TMEM144: variants seen among roughly 807,000 people sequenced by gnomAD.
TMEM144 encodes transmembrane protein 144.
TMEM144 carries 39 observed loss-of-function variants against 43.6 expected under a neutral mutation model. The ratio of observed to expected loss-of-function variants is 0.90; its 90% CI spans 0.69 to 1.17. The LOEUF (loss-of-function observed/expected upper bound fraction) is 1.17. Ranked by LOEUF, TMEM144 falls within the 50% of genes most tolerant of loss-of-function variation. The pLI is 0.00. For missense variants in TMEM144, 417 were observed against 411.9 expected, an observed-to-expected ratio of 1.01 and a Z score of -0.11; for synonymous variants, 154 against 133.6, an observed-to-expected ratio of 1.15 and a Z score of -1.06.
chr4:158,253,073 C>T (rs905476228), intron 12 of TMEM144, among the ~76,000 whole-genome samples: 8 of 152,318 alleles, frequency 5.3e-5, no homozygotes, highest in African/African-American at 1.7e-4. Context: ...CCACTTCCCA[C>T]CCTCCAAACC....
intron 3 of TMEM144, among the ~76,000 whole-genome samples, 189 bp from the exon 4 acceptor site, chr4:158,215,002 A>G (rs970981725): frequency 1.3e-5 from 2 of 152,150 alleles, no homozygotes; most frequent in African/African-American, 4.8e-5. Context: ...TTGAAGATTC[A>G]TTTTCTCTAT....
Position 158,253,828 on chromosome 4 carries a change from G to GTAC in TMEM144, c.*302_*304dup. The GTAC allele has an allele frequency of 3.0e-6, 1 of 334,332 alleles. No individual in the cohort carries two copies. The highest frequency in any genetic ancestry group is 5.6e-6 in the Non-Finnish European group (1 of 177,384). The allele number at this position is 334,332 out of a possible 1,614,324, so 20.7% of individuals were successfully genotyped here. On this transcript the variant is annotated 3_prime_UTR_variant, in exon 13 of 13. Coordinates refer to ENST00000296529, the MANE Select transcript of TMEM144 (RefSeq NM_018342.5). ...GAGGATGCTCTTTTTACCACAGTATGTACCTAGTGTTGCATAATCTAGAAC... is the reference window on the plus strand; with the variant it reads ...GAGGATGCTCTTTTTACCACAGTATGTACTACCTAGTGTTGCATAATCTAGAAC...
intron 6 of TMEM144, among the ~76,000 whole-genome samples, chr4:158,222,120 C>T (rs1453000802): frequency 1.5e-5 from 2 of 129,862 alleles, no homozygotes; most frequent in Non-Finnish European, 3.2e-5. Context: ...CTCTGCTTTC[C>T]CTCGTCCCAT....
In TMEM144 at chr4:158,253,526, A is replaced by C. The variant is rs1279245957; in HGVS notation, c.1037A>C (p.Ter346SerextTer2). 3 of 1,612,856 alleles carry C rather than the reference A, an allele frequency of 1.9e-6. No individual in the cohort carries two copies. The highest frequency in any genetic ancestry group is 2.5e-6 in the Non-Finnish European group (3 of 1,179,228). ...TTATGCACTGCTTTTTCTAAAATCT[A>C]ACAATGACAAAACCAGCAGGTGGCA... ...GALCTAFSKI[*>S] The change falls in exon 13 of 13, where the codon TAA becomes TCA. Residue 346 changes from the stop codon to serine (S), a stop_lost. Coordinates refer to ENST00000296529, the MANE Select transcript of TMEM144 (RefSeq NM_018342.5).
chr4:158,237,397 T>C, intron 8 of TMEM144, 128 bp from the exon 9 acceptor site: 1 of 708,824 alleles, frequency 1.4e-6, no homozygotes, highest in African/African-American at 1.8e-5. Context: ...GTCACAGAGC[T>C]TGAGATAAAT....
rs190656754 is a variant in TMEM144, at chr4:158,216,725, C to A, written c.233-596C>A. ...CAGAAGGAATGATGAAAAATAGTAGCCAGAGAAAGAGCTAAAGAGAAAAAC... is the reference window on the plus strand; with the variant it reads ...CAGAAGGAATGATGAAAAATAGTAGACAGAGAAAGAGCTAAAGAGAAAAAC... On this transcript the variant is annotated intron_variant, in intron 4 of 12. Coordinates refer to ENST00000296529, the MANE Select transcript of TMEM144 (RefSeq NM_018342.5). Among the ~76,000 whole-genome samples, 116 of 151,712 alleles carry A rather than the reference C, an allele frequency of 7.6e-4. 2 individuals are homozygous for A. Among genetic ancestry groups the A allele is most frequent in the African/African-American group, 2.3e-3 (95 of 41,306 alleles).
At chr4:158,230,256 G>C (rs1199897743) in intron 6 of TMEM144, among the ~76,000 whole-genome samples, 1 of 152,172 alleles carries the variant, frequency 6.6e-6, no homozygotes, top group Non-Finnish European at 1.5e-5. Context: ...GTGGCTCTCA[G>C]GTGGGCCACT....
intron 9 of TMEM144, 123 bp downstream of exon 9, chr4:158,237,766 TAGAA>T: frequency 3.0e-6 from 2 of 667,542 alleles, no homozygotes; most frequent in Middle Eastern, 4.3e-4. Context: ...AGTGGCGAAT[TAGAA>T]AGGCATTGAA....
At chr4:158,228,690 G>A (rs1035715866) in intron 6 of TMEM144, among the ~76,000 whole-genome samples, 44 of 152,250 alleles carry the variant, frequency 2.9e-4, no homozygotes, top group African/African-American at 8.7e-4. Context: ...GGCTTAAGCC[G>A]CCTAAGGAGC....
chr4:158,225,266 G>A (rs534419123), intron 6 of TMEM144, among the ~76,000 whole-genome samples: 28 of 152,140 alleles, frequency 1.8e-4, no homozygotes, highest in Non-Finnish European at 3.7e-4. Context: ...TATAGTCTGG[G>A]TTAAAACTCC....
At chr4:158,251,896 C>T (rs540639303) in intron 12 of TMEM144, among the ~76,000 whole-genome samples, 1 of 152,048 alleles carries the variant, frequency 6.6e-6, no homozygotes, top group Non-Finnish European at 1.5e-5. Flanking sequence ...AGTCTCTGTA[C>T]TTTCACTAAA....
Position 158,244,335 on chromosome 4 carries a change from T to G in TMEM144, c.940T>G (p.Phe314Val), listed in dbSNP as rs760194131. The G allele has an allele frequency of 2.5e-6, 4 of 1,609,232 alleles. No individual in the cohort carries two copies. In the South Asian group the frequency reaches 4.4e-5, roughly 18 times the overall value. The change falls in exon 12 of 13, where the codon TTT becomes GTT. Residue 314 changes from phenylalanine to valine, a missense_variant. Transcript: ENST00000296529. Reference protein sequence around the residue: ...FIAAMWGIFMFKEIKGLQNYL... With the variant: ...FIAAMWGIFMVKEIKGLQNYL... ...AGCTGCAATGTGGGGTATCTTCATG[T>G]TTAAGGAAATAAAGGTATGTACAAG...
chr4:158,240,529 G>T (rs960640471), intron 10 of TMEM144, 111 bp downstream of exon 10: 10 of 1,104,348 alleles, frequency 9.1e-6, no homozygotes, highest in African/African-American at 7.9e-5. Flanking sequence ...TGTATATGTG[G>T]TGTGTGTGTG....
intron 6 of TMEM144, among the ~76,000 whole-genome samples, chr4:158,224,858 A>G (rs770462920): frequency 1.3e-5 from 2 of 152,130 alleles, no homozygotes; most frequent in Non-Finnish European, 2.9e-5. Flanking sequence ...CTCCCAGTCT[A>G]CTGATGTTTA....
intron 10 of TMEM144, 22 bp from the exon 11 acceptor site, chr4:158,241,487 G>C (rs773059300): frequency 6.3e-7 from 1 of 1,593,286 alleles, no homozygotes; most frequent in Non-Finnish European, 8.6e-7. Context: ...GTCTGCAAAT[G>C]TGTGTTGTCT....
rs189947996 is a variant in TMEM144, at chr4:158,255,211, A to T, written c.*1684A>T. On this transcript the variant is annotated 3_prime_UTR_variant, in exon 13 of 13. Coordinates refer to ENST00000296529, the MANE Select transcript of TMEM144 (RefSeq NM_018342.5). Reference sequence around the variant, plus strand: ...AATAAATATTTGACTATAACTTCTTATACTCATTTTAATTTTAACCTGAAA... The same window carrying T: ...AATAAATATTTGACTATAACTTCTTTTACTCATTTTAATTTTAACCTGAAA... The T allele has an allele frequency of 2.0e-5, 3 of 152,182 alleles. No individual in the cohort carries two copies. The highest frequency in any genetic ancestry group is 2.0e-4 in the Admixed American group (3 of 15,270). The allele number at this position is 152,182 out of a possible 1,614,324, so 9.4% of individuals were successfully genotyped here. A position where few individuals can be genotyped will look rare whatever the true frequency, so the allele number is the denominator to read the frequency against.
intron 6 of TMEM144, among the ~76,000 whole-genome samples, chr4:158,226,603 C>T (rs978925789): frequency 6.6e-6 from 1 of 151,882 alleles, no homozygotes; most frequent in Non-Finnish European, 1.5e-5. Context: ...ATTTTATTTT[C>T]TTTATACACC....
At chr4:158,214,527 CA>C (rs1315596979) in intron 3 of TMEM144, among the ~76,000 whole-genome samples, 1 of 152,168 alleles carries the variant, frequency 6.6e-6, no homozygotes, top group Non-Finnish European at 1.5e-5. Flanking sequence ...GCAGAAGCCT[CA>C]AAAAGGTACA....
chr4:158,212,479 G>A, intron 2 of TMEM144, 129 bp from the exon 3 acceptor site: 1 of 471,426 alleles, frequency 2.1e-6, no homozygotes. Context: ...ATTATATATA[G>A]TTGTGTAATA....
Sources: gnomAD v4.1 joint callset for allele counts (sites outside exome capture counted in the v4.1 genomes callset) on GRCh38, gnomAD v4.1.1 for gene constraint, MANE v1.5 for transcripts, NCBI Gene and HGNC (gene_info 2026-07-23, HGNC 2026-07-21) for gene names.